Variants in PRIM2 observed in about 807,000 individuals in gnomAD.
PRIM2 encodes the protein DNA primase subunit 2, also known as DNA primase large subunit.
A neutral mutation model predicts 67.3 loss-of-function variants in PRIM2; 39 were observed. The observed-to-expected ratio is 0.58, with a 90% CI of 0.45 to 0.76. The LOEUF (loss-of-function observed/expected upper bound fraction) is 0.76. Among genes scored for constraint, PRIM2 ranks in the 30% least tolerant of loss-of-function variants. PRIM2 has a pLI of 0.00. For synonymous variants in PRIM2, 143 were observed against 198.7 expected (o/e 0.72, Z 2.36); for missense variants, 398 against 598.7 (o/e 0.66, Z 3.50).
At chr6:57,394,639 T>TAA (rs928708622) in intron 7 of PRIM2, among the ~76,000 whole-genome samples, 1 of 152,094 alleles carries the variant, frequency 6.6e-6, no homozygotes, top group African/African-American at 2.4e-5. Flanking sequence ...CCTCTTTACC[T>TAA]ATTTGGATGC....
chr6:57,485,194 A>G (rs1288488658), intron 7 of PRIM2, among the ~76,000 whole-genome samples: 215 of 151,978 alleles, frequency 1.4e-3, no homozygotes, highest in Non-Finnish European at 2.3e-3. Flanking sequence ...TCATACTTTC[A>G]CATCCTTCTG....
intron 11 of PRIM2, among the ~76,000 whole-genome samples, chr6:57,605,678 A>T (rs1250950661): frequency 6.6e-6 from 1 of 152,210 alleles, no homozygotes; most frequent in African/African-American, 2.4e-5. Flanking sequence ...AATATCTAAA[A>T]TTTTCTAGAT....
chr6:57,500,922 T>C (rs1489672587), intron 7 of PRIM2, among the ~76,000 whole-genome samples: 6 of 152,218 alleles, frequency 3.9e-5, no homozygotes, highest in Non-Finnish European at 8.8e-5. Context: ...CTTTACTTCT[T>C]CCTTGGCATA....
At chr6:57,341,621 G>T (rs1172764224) in intron 5 of PRIM2, among the ~76,000 whole-genome samples, 3 of 152,120 alleles carry the variant, frequency 2.0e-5, no homozygotes, top group Non-Finnish European at 2.9e-5. Context: ...TCATTAATAG[G>T]AACATGCACA....
chr6:57,411,749 A>G (rs574339152), intron 7 of PRIM2, among the ~76,000 whole-genome samples: 1 of 152,150 alleles, frequency 6.6e-6, no homozygotes, highest in African/African-American at 2.4e-5. Flanking sequence ...TTTACTGCCA[A>G]TGAGGGATGT....
the PRIM2 span, among the ~76,000 whole-genome samples, chr6:57,246,738 G>A: frequency 1.3e-5 from 2 of 152,160 alleles, no homozygotes; most frequent in African/African-American, 4.8e-5. Context: ...CTGGGCAGAT[G>A]TCTATCAAGA....
intron 7 of PRIM2, among the ~76,000 whole-genome samples, chr6:57,480,574 A>C (rs1773595980): frequency 6.6e-6 from 1 of 151,376 alleles, no homozygotes; most frequent in African/African-American, 2.4e-5. Flanking sequence ...ACTTTCTCCA[A>C]CTCCCCACCT....
At chr6:57,457,510 G>A (rs553396145) in intron 7 of PRIM2, among the ~76,000 whole-genome samples, 1 of 152,136 alleles carries the variant, frequency 6.6e-6, no homozygotes, top group Non-Finnish European at 1.5e-5. Context: ...CCCTAGGCTC[G>A]CTGCTCCTTT....
chr6:57,227,640 T>TA, the PRIM2 span, among the ~76,000 whole-genome samples: 1 of 37,632 alleles, frequency 2.7e-5, no homozygotes, highest in African/African-American at 8.2e-5. Flanking sequence ...TGAGACCATC[T>TA]CAAAAAAAAA....
rs1180901038 is a variant in PRIM2, at chr6:57,517,113, G to A, written c.761+9659G>A. On this transcript the variant is annotated intron_variant, in intron 8 of 13. Transcript: ENST00000615550. Reference sequence around the variant, plus strand: ...GCAGTAAGTCAGGAACCAAGATACCGCTGGAAAGTAAAATTTATGATTTCT... The same window carrying A: ...GCAGTAAGTCAGGAACCAAGATACCACTGGAAAGTAAAATTTATGATTTCT... Among the ~76,000 whole-genome samples the A allele has an allele frequency of 1.3e-3, 197 of 152,226 alleles. 5 individuals are homozygous for A. The East Asian group carries it at 0.016, about 12-fold the overall frequency.
At chr6:57,444,510 T>G (rs1419007667) in intron 7 of PRIM2, among the ~76,000 whole-genome samples, 6 of 150,030 alleles carry the variant, frequency 4.0e-5, no homozygotes, top group Non-Finnish European at 3.0e-5. Context: ...GAGGTTGCAG[T>G]GAGCCGAGAT....
intron 5 of PRIM2, among the ~76,000 whole-genome samples, chr6:57,326,612 T>C (rs1474810182): frequency 6.6e-6 from 1 of 151,764 alleles, no homozygotes; most frequent in Non-Finnish European, 1.5e-5. Context: ...TTCCAGCTAG[T>C]CAGGAGGCTA....
intron 8 of PRIM2, among the ~76,000 whole-genome samples, chr6:57,520,238 T>C (rs1370668095): frequency 6.6e-6 from 1 of 152,210 alleles, no homozygotes; most frequent in East Asian, 1.9e-4. Flanking sequence ...TAGAATGCCA[T>C]AAATGTGTAA....
intron 7 of PRIM2, among the ~76,000 whole-genome samples, chr6:57,492,940 A>C (rs1554346107): frequency 3.3e-5 from 5 of 152,244 alleles, no homozygotes; most frequent in African/African-American, 1.2e-4. Context: ...GCTTGTAATA[A>C]AAAGGAGCAT....
intron 8 of PRIM2, among the ~76,000 whole-genome samples, chr6:57,511,853 G>A (rs1774375829): frequency 6.6e-6 from 1 of 152,196 alleles, no homozygotes; most frequent in Non-Finnish European, 1.5e-5. Flanking sequence ...GGGATGTTTA[G>A]TGAGCAGTTG....
chr6:57,245,683 T>G, the PRIM2 span, among the ~76,000 whole-genome samples: 1 of 152,166 alleles, frequency 6.6e-6, no homozygotes, highest in African/African-American at 2.4e-5. Flanking sequence ...CAGAAATACT[T>G]CCTCTTCTCT....
the PRIM2 span, among the ~76,000 whole-genome samples, chr6:57,276,618 G>A: frequency 6.6e-6 from 1 of 152,044 alleles, no homozygotes; most frequent in Non-Finnish European, 1.5e-5. Context: ...AATGGTAGAT[G>A]AAGAAATGAT....
intron 13 of PRIM2, among the ~76,000 whole-genome samples, chr6:57,642,433 A>ACCTTTTTTTTTT (rs1444848326): frequency 1.7e-4 from 18 of 107,074 alleles, no homozygotes; most frequent in Non-Finnish European, 2.4e-4. Flanking sequence ...TAAATATTAT[A>ACCTTTTTTTTTT]TCTTTTTTTT....
chr6:57,267,970 C>T, the PRIM2 span, among the ~76,000 whole-genome samples: 1 of 151,950 alleles, frequency 6.6e-6, no homozygotes, highest in Non-Finnish European at 1.5e-5. Flanking sequence ...GAGCTATGGG[C>T]ATTGAGCATA....
Sources: allele counts gnomAD v4.1 joint callset (sites outside exome capture counted in the v4.1 genomes callset), GRCh38; gene constraint gnomAD v4.1.1; transcripts MANE v1.5; gene names NCBI Gene and HGNC (gene_info 2026-07-23, HGNC 2026-07-21).